Variants in STXBP5 observed in about 807,000 individuals in gnomAD.
The protein encoded by STXBP5 is syntaxin-binding protein 5.
Under a neutral mutation model 152.4 loss-of-function variants are expected in STXBP5, and 50 were observed. The ratio of observed to expected loss-of-function variants is 0.33; its 90% CI spans 0.26 to 0.42. STXBP5 has a LOEUF of 0.42. Among genes scored for constraint, STXBP5 ranks in the 10% least tolerant of loss-of-function variants. The pLI, the probability that STXBP5 is intolerant of heterozygous loss-of-function variation, is 1.00. For synonymous variants in STXBP5, 492 were observed against 494.7 expected (o/e 0.99, Z 0.07); for missense variants, 1,167 against 1,388.6 (o/e 0.84, Z 2.54).
chr6:147,268,019 T>G (rs558580668), intron 7 of STXBP5, among the ~76,000 whole-genome samples: 12 of 152,192 alleles, frequency 7.9e-5, no homozygotes, highest in Non-Finnish European at 1.8e-4. Flanking sequence ...AAAGGCAGGA[T>G]AAATATGTGG....
In STXBP5 at chr6:147,363,316, C is replaced by T; in HGVS notation, c.2546-19C>T. 2 of 1,540,236 alleles carry T rather than the reference C, an allele frequency of 1.3e-6. No individual in the cohort carries two copies. Among genetic ancestry groups the T allele is most frequent in the Admixed American group, 4.4e-5 (2 of 45,468 alleles). The stretch of plus-strand genomic sequence containing the variant: ...TTGATTAAAATATTTCAGTTATTTA[C>T]TAGACTTCTATATTTTAGGTACTAT... On this transcript the variant is annotated intron_variant, in intron 23 of 27. Coordinates refer to ENST00000321680, the MANE Select transcript of STXBP5 (RefSeq NM_001127715.4).
chr6:147,346,071 C>T (rs1347521605), intron 21 of STXBP5, among the ~76,000 whole-genome samples: 1 of 152,136 alleles, frequency 6.6e-6, no homozygotes, highest in Non-Finnish European at 1.5e-5. Flanking sequence ...AAGAAGAAAA[C>T]AGAAACAATG....
chr6:147,363,792 T>C, intron 24 of STXBP5, 88 bp downstream of exon 24: 1 of 1,501,538 alleles, frequency 6.7e-7, no homozygotes, highest in Non-Finnish European at 8.8e-7. Flanking sequence ...ATGCTTTTTG[T>C]GTGTGTATAG....
intron 23 of STXBP5, among the ~76,000 whole-genome samples, chr6:147,361,315 TAACTA>T (rs1278816331): frequency 6.6e-6 from 1 of 152,144 alleles, no homozygotes; most frequent in Non-Finnish European, 1.5e-5. Context: ...AATTTACTGT[TAACTA>T]CACAAAAAGT....
intron 25 of STXBP5, among the ~76,000 whole-genome samples, chr6:147,364,917 T>TTA (rs1218483690): frequency 2.0e-5 from 3 of 152,106 alleles, no homozygotes; most frequent in African/African-American, 7.2e-5. Flanking sequence ...AACATGAGCT[T>TTA]TAGAGTCAAG....
intron 26 of STXBP5, among the ~76,000 whole-genome samples, chr6:147,381,675 C>G (rs188442544): frequency 3.9e-5 from 6 of 152,222 alleles, no homozygotes; most frequent in Admixed American, 6.5e-5. Context: ...AACACCTTAT[C>G]CATAAAATGA....
At chr6:147,212,007 C>G (rs1248224330) in intron 2 of STXBP5, among the ~76,000 whole-genome samples, 1 of 152,216 alleles carries the variant, frequency 6.6e-6, no homozygotes, top group African/African-American at 2.4e-5. Flanking sequence ...CAGCTCATAT[C>G]TCAACTGTTA....
At chr6:147,237,343 CT>C (rs1159115143) in intron 3 of STXBP5, among the ~76,000 whole-genome samples, 1 of 151,804 alleles carries the variant, frequency 6.6e-6, no homozygotes. Flanking sequence ...AAGTGGAAAT[CT>C]GACAATTAGG....
intron 9 of STXBP5, among the ~76,000 whole-genome samples, chr6:147,304,345 G>A (rs933212982): frequency 2.6e-5 from 4 of 152,314 alleles, no homozygotes; most frequent in South Asian, 4.1e-4. Context: ...CTTATATGTG[G>A]TGTTGGGTCT....
At position 147,384,704 on chromosome 6, in the gene STXBP5, C is replaced by A; in HGVS notation, c.3415-10C>A. 6.2e-7 allele frequency: 1 copy of A among 1,601,606 alleles called. No individual in the cohort carries two copies. The highest frequency in any genetic ancestry group is 8.5e-7 in the Non-Finnish European group (1 of 1,174,598). On this transcript the variant is annotated splice_polypyrimidine_tract_variant and intron_variant, in intron 27 of 27. Coordinates refer to ENST00000321680, the MANE Select transcript of STXBP5 (RefSeq NM_001127715.4). Reference sequence around the variant, plus strand: ...TTAAAAGCATGTTTTTCTTTTTTTTCCCCCTTTAGATTATGTTGAAATACA... The same window carrying A: ...TTAAAAGCATGTTTTTCTTTTTTTTACCCCTTTAGATTATGTTGAAATACA...
chr6:147,371,772 T>C (rs1443394235), intron 25 of STXBP5, among the ~76,000 whole-genome samples: 2 of 152,176 alleles, frequency 1.3e-5, no homozygotes, highest in Non-Finnish European at 2.9e-5. Flanking sequence ...AAATGCAAAC[T>C]GTAATTCTAA....
At chr6:147,206,665 T>A (rs1447272796) in intron 2 of STXBP5, among the ~76,000 whole-genome samples, 1 of 152,200 alleles carries the variant, frequency 6.6e-6, no homozygotes, top group African/African-American at 2.4e-5. Context: ...ACTTTTTCTC[T>A]CATAGTCTAC....
intron 19 of STXBP5, among the ~76,000 whole-genome samples, chr6:147,336,755 T>G (rs1008531116): frequency 3.3e-5 from 5 of 151,784 alleles, no homozygotes; most frequent in Non-Finnish European, 7.4e-5. Flanking sequence ...TTAAAATGAG[T>G]CTCTTGTAAA....
intron 18 of STXBP5, among the ~76,000 whole-genome samples, chr6:147,328,505 A>C (rs547746393): frequency 2.0e-5 from 3 of 152,278 alleles, no homozygotes; most frequent in Non-Finnish European, 4.4e-5. Context: ...TGGGGGGTAG[A>C]ATTAGGGGAT....
chr6:147,209,149 T>TTA lies in STXBP5; in HGVS notation c.248+3089_248+3090dup, dbSNP rs751905163. On this transcript the variant is annotated intron_variant, in intron 2 of 27. Transcript: ENST00000321680. ...TTTTTTTCTAAACACAATGAGGTCA[T>TTA]TATATATATGAATATTTCAAGGACT... Among the ~76,000 whole-genome samples, 7 of 152,224 alleles carry TTA rather than the reference T, an allele frequency of 4.6e-5. No individual in the cohort carries two copies. The East Asian group carries it at 9.7e-4, about 21-fold the overall frequency.
chr6:147,293,301 T>A (rs1484315909), intron 9 of STXBP5: 1 of 152,244 alleles, frequency 6.6e-6, no homozygotes, highest in Non-Finnish European at 1.5e-5. Flanking sequence ...ATCACCATTT[T>A]GTAACAGTGT....
intron 9 of STXBP5, among the ~76,000 whole-genome samples, chr6:147,298,720 C>T (rs1363877139): frequency 1.3e-5 from 2 of 151,964 alleles, no homozygotes; most frequent in African/African-American, 4.8e-5. Flanking sequence ...ACTCATCATG[C>T]TCTGAATAGC....
chr6:147,336,164 T>C (rs1016006523), intron 19 of STXBP5, among the ~76,000 whole-genome samples: 1 of 152,180 alleles, frequency 6.6e-6, no homozygotes, highest in African/African-American at 2.4e-5. Flanking sequence ...AAAGTCAAAC[T>C]TTAATAGGGA....
chr6:147,296,136 C>G (rs1395204189), intron 9 of STXBP5, among the ~76,000 whole-genome samples: 1 of 152,132 alleles, frequency 6.6e-6, no homozygotes, highest in Non-Finnish European at 1.5e-5. Context: ...GTCCTTGCTC[C>G]TGACTGGAAA....
Sources: gnomAD v4.1 joint callset for allele counts (sites outside exome capture counted in the v4.1 genomes callset) on GRCh38, gnomAD v4.1.1 for gene constraint, MANE v1.5 for transcripts, NCBI Gene and HGNC (gene_info 2026-07-23, HGNC 2026-07-21) for gene names.